Variants in RAPGEF5 observed in about 807,000 individuals in gnomAD.
RAPGEF5 encodes M-Ras-regulated GEF.
In RAPGEF5, 65 loss-of-function variants were observed where a neutral mutation model predicts 125.2. The ratio of observed to expected loss-of-function variants is 0.52; its 90% confidence interval spans 0.43 to 0.64. The LOEUF (loss-of-function observed/expected upper bound fraction) is 0.64. Among genes scored for constraint, RAPGEF5 ranks in the 30% least tolerant of loss-of-function variants. The pLI, the probability that RAPGEF5 is intolerant of heterozygous loss-of-function variation, is 0.00. For missense variants in RAPGEF5, 958 were observed against 1,048.1 expected, an observed-to-expected ratio of 0.91 and a Z score of 1.19; for synonymous variants, 391 against 385.9, an observed-to-expected ratio of 1.01 and a Z score of -0.16.
At chr7:22,145,294 T>C (rs1783399785) in intron 19 of RAPGEF5, 72 bp from the exon 20 acceptor site, 1 of 1,430,142 alleles carries the variant, frequency 7.0e-7, no homozygotes, top group Admixed American at 2.3e-5. Flanking sequence ...CGGTCAAATT[T>C]TAAGAGCTAC....
At chr7:22,306,220 GT>G (rs1783337107) in intron 5 of RAPGEF5, among the ~76,000 whole-genome samples, 1 of 152,120 alleles carries the variant, frequency 6.6e-6, no homozygotes, top group South Asian at 2.1e-4. Context: ...TGTAATTGCT[GT>G]CTTTTGAACA....
chr7:22,202,041 G>C (rs889271585), intron 9 of RAPGEF5, among the ~76,000 whole-genome samples: 2 of 152,216 alleles, frequency 1.3e-5, no homozygotes, highest in African/African-American at 4.8e-5. Flanking sequence ...AGAGAGGTCA[G>C]CAAAGGCAAA....
intron 23 of RAPGEF5, among the ~76,000 whole-genome samples, chr7:22,132,670 C>T (rs1309916683): frequency 6.6e-6 from 1 of 152,196 alleles, no homozygotes; most frequent in Non-Finnish European, 1.5e-5. Context: ...CACACAGCTT[C>T]TCAGAGTGGC....
chr7:22,209,959 A>G (rs1284682309), intron 9 of RAPGEF5, among the ~76,000 whole-genome samples: 3 of 152,204 alleles, frequency 2.0e-5, no homozygotes, highest in African/African-American at 7.2e-5. Context: ...ATGTTTTAAC[A>G]TTTTCTTGTG....
intron 11 of RAPGEF5, among the ~76,000 whole-genome samples, chr7:22,186,068 T>G (rs979852461): frequency 6.6e-6 from 1 of 152,142 alleles, no homozygotes; most frequent in African/African-American, 2.4e-5. Context: ...TCAAGTCATC[T>G]GCCCACCTTG....
At chr7:22,139,209 C>A (rs1267937624) in intron 21 of RAPGEF5, among the ~76,000 whole-genome samples, 1 of 152,108 alleles carries the variant, frequency 6.6e-6, no homozygotes, top group Non-Finnish European at 1.5e-5. Flanking sequence ...GGAACTAAAT[C>A]TGAGAGGACT....
At chr7:22,331,880 T>C (rs1324688228) in intron 1 of RAPGEF5, among the ~76,000 whole-genome samples, 1 of 152,202 alleles carries the variant, frequency 6.6e-6, no homozygotes, top group East Asian at 1.9e-4. Context: ...CTATTTCTAT[T>C]GCATAATCCA....
intron 21 of RAPGEF5, among the ~76,000 whole-genome samples, chr7:22,138,006 T>TACACACACACACAC (rs57116603): frequency 4.0e-5 from 6 of 148,444 alleles, no homozygotes; most frequent in Admixed American, 1.3e-4. Context: ...GTTTGGAAAC[T>TACACACACACACAC]ACACACACAC....
intron 9 of RAPGEF5, among the ~76,000 whole-genome samples, chr7:22,214,244 T>A (rs1785578058): frequency 6.6e-6 from 1 of 152,116 alleles, no homozygotes; most frequent in African/African-American, 2.4e-5. Flanking sequence ...CACCCATCCA[T>A]ATTTCATGAG....
intron 9 of RAPGEF5, among the ~76,000 whole-genome samples, chr7:22,198,139 A>G (rs1016868339): frequency 4.6e-5 from 7 of 152,168 alleles, no homozygotes; most frequent in African/African-American, 1.7e-4. Context: ...CAATCTGCCC[A>G]CCTCAGTCTC....
intron 7 of RAPGEF5, among the ~76,000 whole-genome samples, chr7:22,239,033 T>C (rs1786258049): frequency 6.6e-6 from 1 of 152,218 alleles, no homozygotes; most frequent in South Asian, 2.1e-4. Context: ...TGACTTAGAT[T>C]TCCTACTAAG....
intron 7 of RAPGEF5, among the ~76,000 whole-genome samples, chr7:22,264,444 T>C (rs571420291): frequency 1.3e-5 from 2 of 152,320 alleles, no homozygotes; most frequent in East Asian, 3.9e-4. Context: ...CACAACATAA[T>C]AAAATTGACT....
At chr7:22,293,315 ACTC>A (rs1782976605) in intron 5 of RAPGEF5, among the ~76,000 whole-genome samples, 1 of 151,576 alleles carries the variant, frequency 6.6e-6, no homozygotes, top group African/African-American at 2.4e-5. Context: ...CTCACACTGA[ACTC>A]CTCTCTTACC....
chr7:22,314,587 T>G, intron 3 of RAPGEF5: 3 of 969,754 alleles, frequency 3.1e-6, no homozygotes, highest in Non-Finnish European at 3.7e-6. Context: ...TTGGGTGTCA[T>G]GAATCCTGAG....
At chr7:22,233,143 A>G (rs146081516) in intron 7 of RAPGEF5, among the ~76,000 whole-genome samples, 114 of 152,348 alleles carry the variant, frequency 7.5e-4, no homozygotes, top group Non-Finnish European at 1.3e-3. Flanking sequence ...ACATAGAATA[A>G]CATCCTAAAT....
intron 7 of RAPGEF5, among the ~76,000 whole-genome samples, chr7:22,264,179 A>G (rs940179367): frequency 6.6e-6 from 1 of 152,150 alleles, no homozygotes; most frequent in African/African-American, 2.4e-5. Flanking sequence ...TTCTATCTTA[A>G]TCTTTACATG....
At chr7:22,327,497 T>C (rs7785308) in intron 1 of RAPGEF5, among the ~76,000 whole-genome samples, 2,076 of 152,324 alleles carry the variant, frequency 0.014, 42 homozygotes, top group African/African-American at 0.047. Flanking sequence ...TTTTAATACC[T>C]TCCTTAACGC....
intron 1 of RAPGEF5, 61 bp from the exon 2 acceptor site, chr7:22,318,098 G>T: frequency 7.1e-6 from 10 of 1,405,698 alleles, no homozygotes; most frequent in Non-Finnish European, 6.5e-6. Context: ...ACCAAAAAAT[G>T]AAAACATAAG....
At chr7:22,208,175 ATGTCT>A (rs1785437827) in intron 9 of RAPGEF5, among the ~76,000 whole-genome samples, 1 of 152,110 alleles carries the variant, frequency 6.6e-6, no homozygotes, top group African/African-American at 2.4e-5. Context: ...ATTTCATGTG[ATGTCT>A]TGTTCATAGG....
Sources: allele counts gnomAD v4.1 joint callset (sites outside exome capture counted in the v4.1 genomes callset), GRCh38; gene constraint gnomAD v4.1.1; transcripts MANE v1.5; gene names NCBI Gene and HGNC (gene_info 2026-07-23, HGNC 2026-07-21).